The following CACNA2D2 variants were observed in gnomAD, a reference collection of about 807,000 sequenced individuals.
The protein encoded by CACNA2D2 is calcium voltage-gated channel auxiliary subunit alpha2delta 2, also known as voltage-dependent calcium channel subunit alpha-2/delta-2.
A neutral mutation model predicts 166.4 loss-of-function variants in CACNA2D2; 48 were observed. The observed-to-expected ratio is 0.29, with a 90% CI of 0.23 to 0.37. The LOEUF is 0.37. Among genes scored for constraint, CACNA2D2 ranks in the 10% least tolerant of loss-of-function variants. The probability of loss-of-function intolerance (pLI) is 1.00; values close to 1 mark genes in which losing one functional copy is unlikely to be tolerated. For synonymous variants in CACNA2D2, 561 were observed against 573.7 expected, an observed-to-expected ratio of 0.98 and a Z score of 0.32; for missense variants, 1,122 against 1,433.0, an observed-to-expected ratio of 0.78 and a Z score of 3.50.
chr3:50,423,696 T>C (rs577056800), intron 3 of CACNA2D2, among the ~76,000 whole-genome samples: 30 of 152,364 alleles, frequency 2.0e-4, no homozygotes, highest in African/African-American at 5.8e-4. Context: ...GCAACTCCCA[T>C]TTGTCAAGGC....
chr3:50,379,432 G>A lies in CACNA2D2; in HGVS notation c.1152C>T (p.Asn384=), dbSNP rs764348467. 1.8e-5 allele frequency: 29 copies of A among 1,613,174 alleles called. 1 individual carries two copies. The highest frequency in any genetic ancestry group is 1.6e-4 in the East Asian group (7 of 44,878). Residue 384 remains asparagine (N), a splice_region_variant and synonymous_variant, in exon 11 of 38, where the codon AAC becomes AAT. Transcript: ENST00000424201. This position sits in a 1 kb window ranked among gnomAD's most constrained non-coding sequence, Gnocchi z 6.5. The part of the protein sequence containing the change: ...GFEYAFDQLQ[N]SNITRANCNK... ...CCACTTGCCCACCCATGGGGCTCAC[G>A]TTCTGCAGCTGGTCAAAGGCATACT...
intron 2 of CACNA2D2, among the ~76,000 whole-genome samples, chr3:50,452,838 G>A (rs1483428276): frequency 6.6e-6 from 1 of 152,188 alleles, no homozygotes; most frequent in Non-Finnish European, 1.5e-5. Context: ...CCAAGACCCT[G>A]ACAGCAAAGA....
chr3:50,406,928 C>G (rs997969719), intron 3 of CACNA2D2, among the ~76,000 whole-genome samples: 1 of 151,868 alleles, frequency 6.6e-6, no homozygotes, highest in East Asian at 2.1e-4. Flanking sequence ...TCACCTTTCT[C>G]TGTCCATCAC....
chr3:50,385,937 C>G (rs1575611541), intron 5 of CACNA2D2, among the ~76,000 whole-genome samples: 1 of 152,254 alleles, frequency 6.6e-6, no homozygotes, highest in Admixed American at 6.5e-5. Flanking sequence ...GATAAGCTAT[C>G]AGCTGGCGAA....
chr3:50,416,864 A>AGT (rs142353969), intron 3 of CACNA2D2, among the ~76,000 whole-genome samples: 4 of 152,134 alleles, frequency 2.6e-5, no homozygotes, highest in African/African-American at 4.8e-5. Flanking sequence ...CAGGAGTGAA[A>AGT]GTGTGTGTGT....
At position 50,375,362 on chromosome 3, in the gene CACNA2D2, C is replaced by T. The variant is rs910555493; in HGVS notation, c.1907+282G>A. 1.3e-5 allele frequency among the ~76,000 whole-genome samples: 2 copies of T among 152,310 alleles called. No homozygotes were observed. The highest frequency in any genetic ancestry group is 2.9e-5 in the Non-Finnish European group (2 of 68,022). ...ACCCAGCCTGACACACAAGGGACCT[C>T]CTCTGCCCTGAGACTGTGAGGCAGG... On this transcript the variant is annotated intron_variant, in intron 21 of 37. Coordinates refer to ENST00000424201, the MANE Select transcript of CACNA2D2 (RefSeq NM_006030.4). The surrounding 1 kb of genome is among the most constrained non-coding windows in gnomAD (Gnocchi z 4.0).
Position 50,380,042 on chromosome 3 carries a change from G to C in CACNA2D2, c.843-24C>G, listed in dbSNP as rs1269261061. 2 of 1,613,768 alleles carry C rather than the reference G, an allele frequency of 1.2e-6. No homozygotes were observed. The highest frequency in any genetic ancestry group is 3.3e-5 in the Admixed American group (2 of 60,026). On this transcript the variant is annotated intron_variant, in intron 8 of 37. Coordinates refer to ENST00000424201, the MANE Select transcript of CACNA2D2 (RefSeq NM_006030.4). This position sits in a 1 kb window ranked among gnomAD's most constrained non-coding sequence, Gnocchi z 4.9. ...ACCTGCCCAGGAGATGCCTCTGTTA[G>C]GGTAAGGCCCACTGGGACCTTGTGG...
intron 3 of CACNA2D2, among the ~76,000 whole-genome samples, chr3:50,417,372 C>T (rs1397344072): frequency 6.6e-6 from 1 of 152,232 alleles, no homozygotes; most frequent in Non-Finnish European, 1.5e-5. Flanking sequence ...CTGCTTGTTT[C>T]TGGCCTAGGC....
At chr3:50,398,895 C>T (rs769563902) in intron 3 of CACNA2D2, among the ~76,000 whole-genome samples, 7 of 152,220 alleles carry the variant, frequency 4.6e-5, no homozygotes, top group African/African-American at 9.6e-5. Flanking sequence ...GAGGACTCGT[C>T]GTGCACTGGG....
At chr3:50,501,455 T>C (rs533989402) in intron 1 of CACNA2D2, among the ~76,000 whole-genome samples, 172 of 133,404 alleles carry the variant, frequency 1.3e-3, no homozygotes, top group Middle Eastern at 8.6e-3. Flanking sequence ...GCTCCAACTA[T>C]ATCGACAACA....
chr3:50,449,252 C>G (rs1221378153), intron 2 of CACNA2D2, among the ~76,000 whole-genome samples: 1 of 152,212 alleles, frequency 6.6e-6, no homozygotes, highest in Non-Finnish European at 1.5e-5. Context: ...TGTGATCCAA[C>G]CCTGGACCTA....
intron 3 of CACNA2D2, among the ~76,000 whole-genome samples, chr3:50,402,086 T>G (rs1706477597): frequency 6.6e-6 from 1 of 152,212 alleles, no homozygotes; most frequent in African/African-American, 2.4e-5. Context: ...GTAAAGGAAG[T>G]GGCACTCACA....
intron 2 of CACNA2D2, among the ~76,000 whole-genome samples, chr3:50,447,343 G>A (rs1708895674): frequency 6.6e-6 from 1 of 152,192 alleles, no homozygotes; most frequent in South Asian, 2.1e-4. Flanking sequence ...TCTTGGAGGC[G>A]ATGGTGCCCT....
chr3:50,388,636 C>T (rs587746200), intron 4 of CACNA2D2, among the ~76,000 whole-genome samples: 68 of 152,356 alleles, frequency 4.5e-4, no homozygotes, highest in Non-Finnish European at 6.9e-4. Context: ...CGCCCGGACA[C>T]CCGCTTCCCA....
intron 3 of CACNA2D2, among the ~76,000 whole-genome samples, chr3:50,431,285 A>G (rs1277936535): frequency 6.6e-6 from 1 of 152,080 alleles, no homozygotes; most frequent in African/African-American, 2.4e-5. Flanking sequence ...ACCAAAGCTC[A>G]TCTTCAACAA....
At chr3:50,447,458 C>A (rs1037117507) in intron 2 of CACNA2D2, among the ~76,000 whole-genome samples, 1 of 152,256 alleles carries the variant, frequency 6.6e-6, no homozygotes, top group East Asian at 1.9e-4. Flanking sequence ...AGGGCAATGA[C>A]GCCAGGAGGA....
chr3:50,465,280 C>T (rs1000011575), intron 2 of CACNA2D2, among the ~76,000 whole-genome samples: 6 of 152,230 alleles, frequency 3.9e-5, no homozygotes, highest in African/African-American at 1.2e-4. Context: ...AAAGTTTTCC[C>T]TGGTGTGAAA....
intron 3 of CACNA2D2, among the ~76,000 whole-genome samples, chr3:50,432,709 G>A (rs1322532348): frequency 6.6e-6 from 1 of 152,220 alleles, no homozygotes; most frequent in Non-Finnish European, 1.5e-5. Flanking sequence ...GGTGGGTGGA[G>A]CCCTGCTCTG....
chr3:50,474,802 C>G (rs577858635), intron 2 of CACNA2D2, among the ~76,000 whole-genome samples: 1 of 152,276 alleles, frequency 6.6e-6, no homozygotes, highest in South Asian at 2.1e-4. Context: ...TATTCCTGAG[C>G]CTAAATTGAC....
Sources: allele counts gnomAD v4.1 joint callset (sites outside exome capture counted in the v4.1 genomes callset), GRCh38; gene constraint gnomAD v4.1.1; non-coding constraint Gnocchi (gnomAD v3.1); transcripts MANE v1.5; gene names NCBI Gene and HGNC (gene_info 2026-07-23, HGNC 2026-07-21).